The following PXDNL variants were observed in gnomAD, a reference collection of about 807,000 sequenced individuals.
PXDNL encodes probable oxidoreductase PXDNL.
Under a neutral mutation model 150.8 loss-of-function variants are expected in PXDNL, and 145 were observed. The observed-to-expected ratio is 0.96, with a 90% CI of 0.84 to 1.10. PXDNL has a LOEUF of 1.10. PXDNL is among the 50% of genes least tolerant of loss of function. The pLI is 0.00. For synonymous variants in PXDNL, 757 were observed against 725.7 expected (o/e 1.04, Z -0.69); for missense variants, 2,087 against 1,873.9 (o/e 1.11, Z -2.10).
chr8:51,787,284 A>T (rs1192270377), intron 1 of PXDNL, among the ~76,000 whole-genome samples: 1 of 152,234 alleles, frequency 6.6e-6, no homozygotes, highest in Non-Finnish European at 1.5e-5. Context: ...ATTATTTATG[A>T]AATACATTTC....
chr8:51,697,361 G>C (rs1360746946), intron 1 of PXDNL, among the ~76,000 whole-genome samples: 2 of 151,980 alleles, frequency 1.3e-5, no homozygotes, highest in African/African-American at 4.8e-5. Flanking sequence ...AAATAGCAAA[G>C]GTAATTATTT....
At chr8:51,612,087 C>T (rs1359943000) in intron 2 of PXDNL, among the ~76,000 whole-genome samples, 1 of 152,108 alleles carries the variant, frequency 6.6e-6, no homozygotes, top group East Asian at 1.9e-4. Flanking sequence ...CAAATATCGA[C>T]CTGGCAACAG....
chr8:51,504,094 G>GT (rs746206507), intron 4 of PXDNL, among the ~76,000 whole-genome samples: 2 of 152,038 alleles, frequency 1.3e-5, no homozygotes, highest in African/African-American at 2.4e-5. Context: ...CCAATTCTGC[G>GT]TTTTTTATTT....
chr8:51,731,469 G>A lies in PXDNL; in HGVS notation c.165-76709C>T, dbSNP rs546448228. Among the ~76,000 whole-genome samples, 349 of 152,320 alleles carry A rather than the reference G, an allele frequency of 2.3e-3. 2 individuals are homozygous for A. Among genetic ancestry groups the A allele is most frequent in the Non-Finnish European group, 1.7e-3 (114 of 68,038 alleles). ...CTCCTGGTTGCTTTCAGGAACTGGCGTTGAGTGTCTGCAGCTTTTCCAGGC... is the reference window on the plus strand; with the variant it reads ...CTCCTGGTTGCTTTCAGGAACTGGCATTGAGTGTCTGCAGCTTTTCCAGGC... On this transcript the variant is annotated intron_variant, in intron 1 of 22. Transcript: ENST00000356297.
At chr8:51,687,912 T>C (rs1240930577) in intron 1 of PXDNL, among the ~76,000 whole-genome samples, 1 of 152,184 alleles carries the variant, frequency 6.6e-6, no homozygotes, top group Non-Finnish European at 1.5e-5. Context: ...CCTCAGCATA[T>C]TTCCAGCATG....
intron 2 of PXDNL, among the ~76,000 whole-genome samples, chr8:51,626,001 A>G (rs1000317651): frequency 2.0e-5 from 3 of 152,236 alleles, no homozygotes; most frequent in Non-Finnish European, 4.4e-5. Context: ...GTTCTTTTAC[A>G]TACAAATGTC....
intron 2 of PXDNL, among the ~76,000 whole-genome samples, chr8:51,640,917 A>T: frequency 6.6e-6 from 1 of 152,154 alleles, no homozygotes; most frequent in Non-Finnish European, 1.5e-5. Context: ...AGCCAAAAGA[A>T]CAAAGCTGGA....
chr8:51,663,556 G>A (rs1424010161), intron 1 of PXDNL, among the ~76,000 whole-genome samples: 1 of 152,158 alleles, frequency 6.6e-6, no homozygotes, highest in East Asian at 1.9e-4. Flanking sequence ...GGGGTATGCG[G>A]CCACCTTCTC....
chr8:51,727,438 A>G (rs1483757792), intron 1 of PXDNL, among the ~76,000 whole-genome samples: 2 of 152,192 alleles, frequency 1.3e-5, no homozygotes, highest in Non-Finnish European at 2.9e-5. Context: ...TACTATAAAA[A>G]CATTTCTCTT....
chr8:51,804,837 T>G (rs1371276136), intron 1 of PXDNL, among the ~76,000 whole-genome samples: 1 of 152,120 alleles, frequency 6.6e-6, no homozygotes, highest in Non-Finnish European at 1.5e-5. Context: ...TCTGTCCATT[T>G]GTTTCTTGAA....
intron 1 of PXDNL, among the ~76,000 whole-genome samples, chr8:51,788,468 G>T (rs1302772409): frequency 2.0e-5 from 3 of 152,190 alleles, no homozygotes; most frequent in African/African-American, 7.2e-5. Context: ...GCTTGGACAT[G>T]AAATGAAAAA....
chr8:51,651,309 T>C (rs1271494414), intron 2 of PXDNL, among the ~76,000 whole-genome samples: 1 of 152,206 alleles, frequency 6.6e-6, no homozygotes, highest in East Asian at 1.9e-4. Context: ...GAAACGTGAA[T>C]GTGGCAAAAT....
At chr8:51,477,253 T>C (rs986787668) in intron 6 of PXDNL, among the ~76,000 whole-genome samples, 1 of 152,244 alleles carries the variant, frequency 6.6e-6, no homozygotes, top group Non-Finnish European at 1.5e-5. Flanking sequence ...ATGATAGCTA[T>C]GTTTAGTAGC....
chr8:51,437,491 T>A (rs1809435962), intron 12 of PXDNL, among the ~76,000 whole-genome samples: 1 of 152,184 alleles, frequency 6.6e-6, no homozygotes, highest in African/African-American at 2.4e-5. Context: ...TAATCCACCA[T>A]GATCAAGTGG....
At chr8:51,701,988 C>T (rs1243972444) in intron 1 of PXDNL, among the ~76,000 whole-genome samples, 1 of 152,160 alleles carries the variant, frequency 6.6e-6, no homozygotes, top group Non-Finnish European at 1.5e-5. Flanking sequence ...TTTGTTACAA[C>T]ACTGAAAGTG....
chr8:51,474,518 TC>T (rs1810427736), intron 7 of PXDNL, among the ~76,000 whole-genome samples: 1 of 152,240 alleles, frequency 6.6e-6, no homozygotes, highest in Non-Finnish European at 1.5e-5. Context: ...GTATTCATGG[TC>T]CCATTATACA....
chr8:51,537,262 T>C (rs1312024137), intron 4 of PXDNL, among the ~76,000 whole-genome samples: 1 of 152,158 alleles, frequency 6.6e-6, no homozygotes, highest in Non-Finnish European at 1.5e-5. Context: ...CAGGTGATTC[T>C]AACATGCTGC....
intron 17 of PXDNL, among the ~76,000 whole-genome samples, chr8:51,390,851 C>A (rs1027155416): frequency 6.6e-6 from 1 of 151,896 alleles, no homozygotes; most frequent in African/African-American, 2.4e-5. Context: ...CCCATTAACT[C>A]GTCATTTAGC....
chr8:51,517,029 T>C (rs1004391898), intron 4 of PXDNL, among the ~76,000 whole-genome samples: 1 of 152,228 alleles, frequency 6.6e-6, no homozygotes, highest in Admixed American at 6.5e-5. Context: ...TACTTTCTTT[T>C]CAGGAAAAGT....
Sources: gnomAD v4.1 joint callset for allele counts (sites outside exome capture counted in the v4.1 genomes callset) on GRCh38, gnomAD v4.1.1 for gene constraint, MANE v1.5 for transcripts, NCBI Gene and HGNC (gene_info 2026-07-23, HGNC 2026-07-21) for gene names.